NCAM2: variants seen among roughly 807,000 people sequenced by gnomAD.
NCAM2 encodes N-CAM-2.
Under a neutral mutation model 98.1 loss-of-function variants are expected in NCAM2, and 30 were observed. The observed-to-expected ratio is 0.31, with a 90% confidence interval of 0.23 to 0.41. The LOEUF is 0.41. Among genes scored for constraint, NCAM2 ranks in the 10% least tolerant of loss-of-function variants. The probability of loss-of-function intolerance (pLI) is 1.00; values close to 1 mark genes in which losing one functional copy is unlikely to be tolerated. For synonymous variants in NCAM2, 368 were observed against 342.4 expected (o/e 1.07, Z -0.83); for missense variants, 867 against 1,005.8 (o/e 0.86, Z 1.87).
intron 1 of NCAM2, among the ~76,000 whole-genome samples, chr21:21,078,120 GTTTA>G (rs1422466278): frequency 3.3e-5 from 5 of 151,872 alleles, no homozygotes; most frequent in African/African-American, 7.3e-5. Flanking sequence ...TATAAGGGGA[GTTTA>G]TTTGATTTTG....
At chr21:21,515,831 T>C (rs891523824) in intron 16 of NCAM2, among the ~76,000 whole-genome samples, 1 of 152,184 alleles carries the variant, frequency 6.6e-6, no homozygotes, top group African/African-American at 2.4e-5. Flanking sequence ...GTTTAGGTGT[T>C]TGAAATCTTC....
chr21:21,354,941 G>A (rs114664891), intron 8 of NCAM2, among the ~76,000 whole-genome samples: 1 of 152,108 alleles, frequency 6.6e-6, no homozygotes, highest in East Asian at 1.9e-4. Flanking sequence ...ATAATAAAAT[G>A]CTGGCCTTGG....
Position 21,335,665 on chromosome 21 carries a change from G to A in NCAM2, c.898G>A (p.Val300Ile). 5 of 1,603,052 alleles carry A rather than the reference G, an allele frequency of 3.1e-6. No individual in the cohort carries two copies. Among genetic ancestry groups the A allele is most frequent in the Non-Finnish European group, 3.4e-6 (4 of 1,175,412 alleles). Residue 300 changes from valine to isoleucine, a missense_variant and splice_region_variant, in exon 7 of 18, where the codon GTA becomes ATA. Transcript: ENST00000400546. The stretch of plus-strand genomic sequence containing the variant: ...AAAGCAAGCTTTCCTCCAAGTCTTT[G>A]GTAAGTATTATAGCATAGTGGCTAA... ...DEKQAFLQVF[V>I]QPHIIQLKNE...
At chr21:21,342,758 A>G (rs1017656568) in intron 8 of NCAM2, among the ~76,000 whole-genome samples, 1 of 152,244 alleles carries the variant, frequency 6.6e-6, no homozygotes, top group African/African-American at 2.4e-5. Flanking sequence ...CATATTGTAG[A>G]TAAGTATGTG....
intron 1 of NCAM2, among the ~76,000 whole-genome samples, chr21:21,056,556 A>AGAGAGT (rs1172652635): frequency 6.6e-6 from 1 of 150,504 alleles, no homozygotes; most frequent in African/African-American, 2.4e-5. Flanking sequence ...GGAGAGAGAG[A>AGAGAGT]GAGAGTGAGA....
At chr21:21,404,786 G>T (rs1049842046) in intron 9 of NCAM2, among the ~76,000 whole-genome samples, 4 of 151,306 alleles carry the variant, frequency 2.6e-5, no homozygotes, top group African/African-American at 9.7e-5. Flanking sequence ...ATACCCACTC[G>T]TATGTACATA....
chr21:21,259,183 C>G (rs149150811), intron 1 of NCAM2, among the ~76,000 whole-genome samples: 1 of 152,112 alleles, frequency 6.6e-6, no homozygotes, highest in African/African-American at 2.4e-5. Context: ...AACTTCCCCT[C>G]CCAACACAGT....
At chr21:21,247,025 T>TTA (rs1555839427) in intron 1 of NCAM2, among the ~76,000 whole-genome samples, 34 of 151,812 alleles carry the variant, frequency 2.2e-4, no homozygotes, top group African/African-American at 7.5e-4. Context: ...TTAATATGTT[T>TTA]AAAAAAAATT....
chr21:21,410,193 A>T lies in NCAM2; in HGVS notation c.1196-81A>T, dbSNP rs562707179. ...ATGTGGCTTCTTTTTATACAGTAGA[A>T]ATAACTAATGCTTATACTACTTAAA... On this transcript the variant is annotated intron_variant, in intron 9 of 17. Coordinates refer to ENST00000400546, the MANE Select transcript of NCAM2 (RefSeq NM_004540.5). The T allele has an allele frequency of 1.4e-4, 110 of 779,740 alleles. No individual in the cohort carries two copies. In the African/African-American group the frequency reaches 1.8e-3, roughly 13 times the overall value. 48.3% of individuals were successfully genotyped at this position (779,740 alleles called of 1,614,324 possible).
intron 1 of NCAM2, among the ~76,000 whole-genome samples, chr21:21,036,535 T>C (rs1306026590): frequency 6.6e-6 from 1 of 152,208 alleles, no homozygotes; most frequent in African/African-American, 2.4e-5. Flanking sequence ...TTAATATGCT[T>C]ATGGGCACAG....
At chr21:21,154,491 C>T (rs2067549086) in intron 1 of NCAM2, among the ~76,000 whole-genome samples, 1 of 151,606 alleles carries the variant, frequency 6.6e-6, no homozygotes, top group Non-Finnish European at 1.5e-5. Flanking sequence ...GCATAATGAA[C>T]TTATAGATAA....
chr21:21,223,675 A>T (rs1430227076), intron 1 of NCAM2: 1 of 152,138 alleles, frequency 6.6e-6, no homozygotes, highest in Non-Finnish European at 1.5e-5. Flanking sequence ...TATATAGCAG[A>T]TTTTGTCAGT....
intron 9 of NCAM2, among the ~76,000 whole-genome samples, chr21:21,390,900 C>A (rs527461191): frequency 8.5e-5 from 13 of 152,234 alleles, no homozygotes; most frequent in African/African-American, 3.1e-4. Flanking sequence ...AATATGCACA[C>A]CTATATTTTT....
Position 21,426,107 on chromosome 21 carries a change from C to T in NCAM2, c.1481-6001C>T, listed in dbSNP as rs371852846. Among the ~76,000 whole-genome samples, 7 of 152,000 alleles carry T rather than the reference C, an allele frequency of 4.6e-5. No homozygotes were observed. In the East Asian group the frequency reaches 5.8e-4, roughly 13 times the overall value. On this transcript the variant is annotated intron_variant, in intron 11 of 17. Coordinates refer to ENST00000400546, the MANE Select transcript of NCAM2 (RefSeq NM_004540.5). ...TTTATGGAGGCACTAATCTTATTCT[C>T]GAGGGTGGATGTCTCATGACTTTAT...
chr21:21,223,829 AAC>A (rs2070269894), intron 1 of NCAM2: 1 of 152,194 alleles, frequency 6.6e-6, no homozygotes, highest in African/African-American at 2.4e-5. Flanking sequence ...ATACAATATA[AAC>A]AGAGATAAAA....
intron 10 of NCAM2, among the ~76,000 whole-genome samples, chr21:21,414,452 T>A (rs867863665): frequency 6.7e-6 from 1 of 149,394 alleles, no homozygotes; most frequent in Non-Finnish European, 1.5e-5. Context: ...TTAAATATTG[T>A]ATTTCTGTTT....
At chr21:21,437,536 T>G (rs1228331087) in intron 12 of NCAM2, among the ~76,000 whole-genome samples, 1 of 149,608 alleles carries the variant, frequency 6.7e-6, no homozygotes, top group African/African-American at 2.5e-5. Flanking sequence ...TCTAAGGATA[T>G]TAACGGTCCC....
intron 16 of NCAM2, among the ~76,000 whole-genome samples, chr21:21,528,457 G>T (rs775330537): frequency 5.9e-5 from 9 of 152,062 alleles, no homozygotes; most frequent in African/African-American, 2.2e-4. Flanking sequence ...CAGGGGATAC[G>T]TGGGAAATCT....
Position 21,335,605 on chromosome 21 carries a change from G to T in NCAM2, c.838G>T (p.Val280Phe). 5.0e-6 allele frequency: 8 copies of T among 1,612,140 alleles called. No homozygotes were observed. Among genetic ancestry groups the T allele is most frequent in the Non-Finnish European group, 6.8e-6 (8 of 1,179,026 alleles). The change falls in exon 7 of 18, where the codon GTC (valine) becomes TTC (phenylalanine). Residue 280 changes from valine (V) to phenylalanine (F), a missense_variant. By Grantham distance (50) the Val-to-Phe change is conservative (BLOSUM62 -1). Around this residue, in one of 5 missense-constraint regions of NCAM2, gnomAD observed 447 missense variants for 495.7 expected, o/e 0.90. Transcript: ENST00000400546. ...NIINSDGGPY[V>F]CRATNKAGED... ...AATCAATAGTGATGGTGGTCCTTAT[G>T]TCTGCAGGGCCACAAATAAGGCAGG...
Sources: allele counts gnomAD v4.1 joint callset (sites outside exome capture counted in the v4.1 genomes callset), GRCh38; gene constraint gnomAD v4.1.1; regional missense constraint gnomAD v4.1.1; transcripts MANE v1.5; gene names NCBI Gene and HGNC (gene_info 2026-07-23, HGNC 2026-07-21).